Variants in LRRC4C observed in about 807,000 individuals in gnomAD.
LRRC4C encodes the protein leucine-rich repeat-containing protein 4C.
A neutral mutation model predicts 33.6 loss-of-function variants in LRRC4C; 5 were observed. The ratio of observed to expected loss-of-function variants is 0.15; its 90% CI spans 0.08 to 0.31. LRRC4C has a LOEUF of 0.31. LRRC4C is among the 10% of genes least tolerant of loss of function. The pLI is 1.00. For missense variants in LRRC4C, 560 were observed against 796.7 expected (o/e 0.70, Z 3.58); for synonymous variants, 329 against 302.0 (o/e 1.09, Z -0.93).
intron 2 of LRRC4C, among the ~76,000 whole-genome samples, chr11:40,903,238 A>T (rs981295868): frequency 4.6e-5 from 7 of 152,208 alleles, no homozygotes; most frequent in Non-Finnish European, 8.8e-5. Context: ...GGAACAACAA[A>T]GGCTGGATAG....
intron 2 of LRRC4C, among the ~76,000 whole-genome samples, chr11:40,697,886 G>A (rs1420322336): frequency 2.6e-5 from 4 of 151,892 alleles, no homozygotes; most frequent in Non-Finnish European, 5.9e-5. Flanking sequence ...TGGCTAACAC[G>A]GTGAAACTCG....
intron 3 of LRRC4C, among the ~76,000 whole-genome samples, chr11:40,538,690 G>A (rs944862887): frequency 7.2e-5 from 11 of 152,074 alleles, no homozygotes. Flanking sequence ...AGTTACTCTA[G>A]TATTTCTAGA....
chr11:40,416,538 C>T (rs1038975501), intron 3 of LRRC4C, among the ~76,000 whole-genome samples: 4 of 152,142 alleles, frequency 2.6e-5, no homozygotes, highest in Admixed American at 6.6e-5. Flanking sequence ...CATTCTGCAT[C>T]TCTTGGAAAG....
intron 1 of LRRC4C, among the ~76,000 whole-genome samples, chr11:41,212,370 G>T (rs940089981): frequency 6.6e-6 from 1 of 152,208 alleles, no homozygotes; most frequent in Non-Finnish European, 1.5e-5. Context: ...CCAATAATCT[G>T]ATTATGCTTA....
intron 5 of LRRC4C, among the ~76,000 whole-genome samples, chr11:40,196,473 T>C (rs1370298683): frequency 1.3e-5 from 2 of 152,312 alleles, no homozygotes; most frequent in Middle Eastern, 3.4e-3. Context: ...AAAGACAGTC[T>C]CTTGTTTGTT....
At chr11:40,452,249 C>A (rs1397265221) in intron 3 of LRRC4C, among the ~76,000 whole-genome samples, 1 of 152,152 alleles carries the variant, frequency 6.6e-6, no homozygotes, top group Non-Finnish European at 1.5e-5. Context: ...AGGCAACCTA[C>A]AGAATGGGAG....
intron 2 of LRRC4C, among the ~76,000 whole-genome samples, chr11:40,657,179 A>G (rs10768620): frequency 0.63 from 96,156 of 151,978 alleles, 30,538 homozygotes; most frequent in East Asian, 0.71. Flanking sequence ...TATGGCCAAG[A>G]CTACACAGCT....
chr11:40,786,997 C>G (rs1448895038), intron 2 of LRRC4C, among the ~76,000 whole-genome samples: 1 of 152,144 alleles, frequency 6.6e-6, no homozygotes, highest in African/African-American at 2.4e-5. Context: ...TAGAAATGTT[C>G]CTATTGTCAT....
intron 1 of LRRC4C, among the ~76,000 whole-genome samples, chr11:41,121,676 C>G (rs766594475): frequency 1.4e-4 from 22 of 152,120 alleles, no homozygotes; most frequent in Middle Eastern, 3.4e-3. Context: ...TTTCTCTGGC[C>G]CTGTCAGGAT....
At chr11:40,962,438 C>T (rs997345589) in intron 1 of LRRC4C, among the ~76,000 whole-genome samples, 8 of 151,702 alleles carry the variant, frequency 5.3e-5, no homozygotes, top group Non-Finnish European at 7.4e-5. Context: ...ATACACAGCA[C>T]TGCTGAAAAA....
chr11:40,616,194 T>A (rs1325136447), intron 3 of LRRC4C, among the ~76,000 whole-genome samples: 2 of 151,710 alleles, frequency 1.3e-5, no homozygotes, highest in Non-Finnish European at 2.9e-5. Flanking sequence ...GAAATGCAAA[T>A]CAAAACCACA....
At chr11:40,849,694 A>C (rs1953383177) in intron 2 of LRRC4C, among the ~76,000 whole-genome samples, 1 of 152,018 alleles carries the variant, frequency 6.6e-6, no homozygotes, top group South Asian at 2.1e-4. Context: ...CTGTCTTGCT[A>C]GGTTGGGGAA....
At chr11:40,474,215 T>A (rs982843424) in intron 3 of LRRC4C, among the ~76,000 whole-genome samples, 1 of 152,114 alleles carries the variant, frequency 6.6e-6, no homozygotes, top group African/African-American at 2.4e-5. Context: ...AACAGCATGG[T>A]ACTGGTACCA....
intron 2 of LRRC4C, among the ~76,000 whole-genome samples, chr11:40,696,490 T>A (rs1251917568): frequency 6.7e-6 from 1 of 149,010 alleles, no homozygotes; most frequent in African/African-American, 2.5e-5. Context: ...TTTGTATTTA[T>A]ACACTCATAA....
intron 1 of LRRC4C, among the ~76,000 whole-genome samples, chr11:41,084,950 T>G (rs949630397): frequency 4.6e-5 from 7 of 152,190 alleles, no homozygotes; most frequent in African/African-American, 1.4e-4. Flanking sequence ...TAGTTAGGAT[T>G]CCATGTGAAA....
rs61888378 is a variant in LRRC4C at position 40,586,501 on chromosome 11, C to G, written c.-270+61641G>C. Among the ~76,000 whole-genome samples, 496 of 146,908 alleles carry G rather than the reference C, an allele frequency of 3.4e-3. 2 individuals are homozygous for G. The highest frequency in any genetic ancestry group is 0.012 in the African/African-American group (456 of 38,040). ...TAATTAGATCCCATTTGTCAATTTTCTCTTTTGTTGCCATTGATTTTGGTG... is the reference window on the plus strand; with the variant it reads ...TAATTAGATCCCATTTGTCAATTTTGTCTTTTGTTGCCATTGATTTTGGTG... On this transcript the variant is annotated intron_variant, in intron 3 of 6. Transcript: ENST00000528697.
intron 1 of LRRC4C, among the ~76,000 whole-genome samples, chr11:41,307,014 T>A (rs2137146004): frequency 6.6e-6 from 1 of 152,354 alleles, no homozygotes; most frequent in African/African-American, 2.4e-5. Flanking sequence ...ACTTTGGCTT[T>A]GTTACCAACA....
intron 1 of LRRC4C, among the ~76,000 whole-genome samples, chr11:41,122,411 A>G (rs192184533): frequency 2.0e-5 from 3 of 152,262 alleles, no homozygotes; most frequent in Admixed American, 6.5e-5. Flanking sequence ...CTGCCATCCT[A>G]GGAAGCTAGA....
At chr11:40,402,486 C>T (rs1312183089) in intron 3 of LRRC4C, among the ~76,000 whole-genome samples, 2 of 151,962 alleles carry the variant, frequency 1.3e-5, no homozygotes, top group Non-Finnish European at 2.9e-5. Flanking sequence ...ATTTCATATC[C>T]CTGACCCAGT....
Sources: allele counts gnomAD v4.1 joint callset (sites outside exome capture counted in the v4.1 genomes callset), GRCh38; gene constraint gnomAD v4.1.1; transcripts MANE v1.5; gene names NCBI Gene and HGNC (gene_info 2026-07-23, HGNC 2026-07-21).